FN3K: variants seen among roughly 807,000 people sequenced by gnomAD.
FN3K encodes the protein fructosamine 3 kinase.
A neutral mutation model predicts 24.8 loss-of-function variants in FN3K; 24 were observed. The observed-to-expected ratio is 0.97, with a 90% CI of 0.70 to 1.36. FN3K has a LOEUF of 1.36. FN3K is among the 40% of genes most tolerant of loss of function. FN3K has a pLI of 0.00. For synonymous variants in FN3K, 192 were observed against 175.2 expected (o/e 1.10, Z -0.76); for missense variants, 449 against 416.7 (o/e 1.08, Z -0.67).
chr17:82,735,823 C>A lies in FN3K; in HGVS notation c.141+46C>A, dbSNP rs746286847. 1.6e-5 allele frequency: 25 copies of A among 1,532,270 alleles called. No homozygotes were observed. The East Asian group carries it at 5.1e-4, about 32-fold the overall frequency. 94.9% of individuals were successfully genotyped at this position (1,532,270 alleles called of 1,614,324 possible). On this transcript the variant is annotated intron_variant, in intron 1 of 5. Transcript: ENST00000300784. ...GGGGGCTCTGCGGGTCTCTGCGGGG[C>A]CTGGGAAGGCGGAGGGGTCGGGGGC...
chr17:82,749,940 C>T, intron 5 of FN3K: 1 of 172,886 alleles, frequency 5.8e-6, no homozygotes, highest in South Asian at 1.3e-4. Flanking sequence ...TGCCTGTAAT[C>T]CCAGCTACTC....
chr17:82,744,397 C>T (rs1456394299), intron 4 of FN3K, among the ~76,000 whole-genome samples: 1 of 152,146 alleles, frequency 6.6e-6, no homozygotes, highest in Non-Finnish European at 1.5e-5. Flanking sequence ...ATACTGATTA[C>T]CCCCAAAAGG....
At position 82,751,021 on chromosome 17, in the gene FN3K, C is replaced by T; in HGVS notation, c.*266C>T. ...CATCCCCGTCCCCCATCTCCGTCCCCGTCCCCCCTGCCCCGTCCCCGTCTC... is the reference window on the plus strand; with the variant it reads ...CATCCCCGTCCCCCATCTCCGTCCCTGTCCCCCCTGCCCCGTCCCCGTCTC... On this transcript the variant is annotated 3_prime_UTR_variant, in exon 6 of 6. Transcript: ENST00000300784. The T allele has an allele frequency of 6.5e-6, 1 of 153,664 alleles. No homozygotes were observed. The highest frequency in any genetic ancestry group is 1.2e-4 in the Admixed American group (1 of 8,038). 9.5% of individuals were successfully genotyped at this position (153,664 alleles called of 1,614,324 possible).
At chr17:82,740,896 T>C in intron 3 of FN3K, 42 bp downstream of exon 3, 2 of 1,360,906 alleles carry the variant, frequency 1.5e-6, no homozygotes, top group Non-Finnish European at 2.1e-6. Flanking sequence ...TCCAGCCACA[T>C]TGTCTACCCT....
In FN3K at chr17:82,735,640, G is replaced by T. The variant is rs1248180101; in HGVS notation, c.4G>T (p.Glu2Ter). 3 of 1,537,534 alleles carry T rather than the reference G, an allele frequency of 2.0e-6. No individual in the cohort carries two copies. The highest frequency in any genetic ancestry group is 2.4e-5 in the South Asian group (2 of 83,402). Residue 2 changes from glutamate (E) to a stop codon, truncating the protein, a stop_gained, in exon 1 of 6, where the codon GAG becomes TAG. Transcript: ENST00000300784. LOFTEE classifies it high-confidence loss of function. M[E>*]QLLRAELRTA... ...AGAGTCCCGCGCCCCGCACTCCATG[G>T]AGCAGCTGCTGCGCGCCGAGCTGCG...
intron 4 of FN3K, chr17:82,741,620 G>T: frequency 2.0e-6 from 1 of 502,324 alleles, no homozygotes; most frequent in Non-Finnish European, 3.7e-6. Flanking sequence ...AGCATTCCAA[G>T]CAGAGCGAGC....
At chr17:82,739,091 G>T (rs554468931) in intron 2 of FN3K, among the ~76,000 whole-genome samples, 53 of 150,958 alleles carry the variant, frequency 3.5e-4, no homozygotes, top group African/African-American at 1.2e-3. Context: ...GGGACTACAG[G>T]TGTCCACCAC....
chr17:82,737,479 T>C lies in FN3K; in HGVS notation c.142-1010T>C, dbSNP rs1416468581. On this transcript the variant is annotated intron_variant, in intron 1 of 5. Transcript: ENST00000300784. Reference sequence around the variant, plus strand: ...CTGGGACTACAGGTGCCCGCCACCTTGCCTGGCTAATTTTTTGTATTTTTA... The same window carrying C: ...CTGGGACTACAGGTGCCCGCCACCTCGCCTGGCTAATTTTTTGTATTTTTA... Among the ~76,000 whole-genome samples the C allele has an allele frequency of 2.0e-5, 3 of 152,126 alleles. No individual in the cohort carries two copies. In the South Asian group the frequency reaches 6.2e-4, roughly 32 times the overall value.
At position 82,748,889 on chromosome 17, in the gene FN3K, T is replaced by G. The variant is rs763519474; in HGVS notation, c.503T>G (p.Phe168Cys). 6.2e-7 allele frequency: 1 copy of G among 1,613,554 alleles called. No homozygotes were observed. The highest frequency in any genetic ancestry group is 1.7e-5 in the Admixed American group (1 of 60,002). The change falls in exon 5 of 6, where the codon TTC becomes TGC. Residue 168 changes from phenylalanine to cysteine, a missense_variant. Phe to Cys is a radical substitution (Grantham distance 205). Transcript: ENST00000300784. Reference sequence around the variant, plus strand: ...TGGCAGGATGACTGGCCGACCTTTTTCGCCCGGCACCGGCTCCAGGCGCAG... The same window carrying G: ...TGGCAGGATGACTGGCCGACCTTTTGCGCCCGGCACCGGCTCCAGGCGCAG... ...NEWQDDWPTF[F>C]ARHRLQAQLD...
chr17:82,747,745 ATTC>A (rs1184359423), intron 4 of FN3K, among the ~76,000 whole-genome samples: 2 of 152,218 alleles, frequency 1.3e-5, no homozygotes, highest in Admixed American at 6.5e-5. Flanking sequence ...GCATGCTTAA[ATTC>A]TTCTCAATTT....
chr17:82,735,633 C>G lies in FN3K; in HGVS notation c.-4C>G. 6.5e-7 allele frequency: 1 copy of G among 1,526,864 alleles called. No homozygotes were observed. The highest frequency in any genetic ancestry group is 8.7e-7 in the Non-Finnish European group (1 of 1,145,906). The allele number at this position is 1,526,864 out of a possible 1,614,324, so 94.6% of individuals were successfully genotyped here. On this transcript the variant is annotated 5_prime_UTR_variant, in exon 1 of 6. Transcript: ENST00000300784. ...AGCGAGCAGAGTCCCGCGCCCCGCA[C>G]TCCATGGAGCAGCTGCTGCGCGCCG...
At chr17:82,739,090 G>A (rs1188556972) in intron 2 of FN3K, among the ~76,000 whole-genome samples, 2 of 150,902 alleles carry the variant, frequency 1.3e-5, no homozygotes, top group Admixed American at 1.3e-4. Flanking sequence ...TGGGACTACA[G>A]GTGTCCACCA....
Position 82,741,300 on chromosome 17 carries a change from T to C in FN3K, c.386-11T>C. ...AAACAGCTCCTTCAGGCCAAGGATCTCTGTCAACAGGCCGAAGAGGTGAGG... is the reference window on the plus strand; with the variant it reads ...AAACAGCTCCTTCAGGCCAAGGATCCCTGTCAACAGGCCGAAGAGGTGAGG... On this transcript the variant is annotated splice_polypyrimidine_tract_variant and intron_variant, in intron 3 of 5. Transcript: ENST00000300784. The C allele has an allele frequency of 6.2e-7, 1 of 1,613,094 alleles. No homozygotes were observed. Among genetic ancestry groups the C allele is most frequent in the Non-Finnish European group, 8.5e-7 (1 of 1,179,518 alleles).
intron 4 of FN3K, among the ~76,000 whole-genome samples, chr17:82,747,008 A>T (rs1184140011): frequency 6.6e-6 from 1 of 151,908 alleles, no homozygotes; most frequent in African/African-American, 2.4e-5. Flanking sequence ...TATTTTTAGT[A>T]GAGATAGAGT....
At position 82,750,847 on chromosome 17, in the gene FN3K, T is replaced by A. The variant is rs1250599295; in HGVS notation, c.*92T>A. On this transcript the variant is annotated 3_prime_UTR_variant, in exon 6 of 6. Transcript: ENST00000300784. ...CCCCGTCCCTGTGCCCCCGTCCCTG[T>A]CCCCCTGTTCCCGTCTCCCCGTCCC... is the stretch of plus-strand genomic sequence containing the variant. The A allele has an allele frequency of 8.5e-6, 7 of 824,142 alleles. No individual in the cohort carries two copies. The highest frequency in any genetic ancestry group is 8.4e-5 in the South Asian group (5 of 59,694). 51.1% of individuals were successfully genotyped at this position (824,142 alleles called of 1,614,324 possible).
intron 1 of FN3K, 70 bp downstream of exon 1, chr17:82,735,847 G>T: frequency 6.6e-7 from 1 of 1,513,326 alleles, no homozygotes. Flanking sequence ...GGGGTCGGGG[G>T]CAGGCGCATT....
intron 4 of FN3K, chr17:82,745,645 G>A (rs906328081): frequency 7.2e-5 from 11 of 152,184 alleles, no homozygotes; most frequent in African/African-American, 2.7e-4. Context: ...CATGTGGATG[G>A]ATTTCTGGAT....
Position 82,748,946 on chromosome 17 carries a change from G to C in FN3K, c.560G>C (p.Arg187Pro), listed in dbSNP as rs550674352. The change falls in exon 5 of 6, where the codon CGA becomes CCA. Residue 187 changes from arginine to proline, a missense_variant. Physicochemically the swap from Arg to Pro is moderately radical, Grantham distance 103. Coordinates refer to ENST00000300784, the MANE Select transcript of FN3K (RefSeq NM_022158.4). ...CTCATTGAGAAGGACTATGCTGACC[G>C]AGAGGCACGAGAACTCTGGTCCCGG... Reference protein sequence around the residue: ...LDLIEKDYADREARELWSRLQ... With the variant: ...LDLIEKDYADPEARELWSRLQ... The C allele has an allele frequency of 6.2e-7, 1 of 1,614,186 alleles. No individual in the cohort carries two copies. The highest frequency in any genetic ancestry group is 1.1e-5 in the South Asian group (1 of 91,078).
chr17:82,749,393 A>AGT (rs2046987955), intron 5 of FN3K: 1 of 336,116 alleles, frequency 3.0e-6, no homozygotes, highest in Non-Finnish European at 5.8e-6. Context: ...GGCCGGGCAC[A>AGT]GTGGTTCACG....
Sources: allele counts gnomAD v4.1 joint callset (sites outside exome capture counted in the v4.1 genomes callset), GRCh38; gene constraint gnomAD v4.1.1; transcripts MANE v1.5; gene names NCBI Gene and HGNC (gene_info 2026-07-23, HGNC 2026-07-21).